Variants in CUBN observed in about 807,000 individuals in gnomAD.
CUBN encodes the protein cubilin, also known as 460 kDa receptor.
Under a neutral mutation model 405.3 loss-of-function variants are expected in CUBN, and 282 were observed. That is an observed-to-expected ratio of 0.70 (90% CI 0.63 to 0.77). The LOEUF (loss-of-function observed/expected upper bound fraction) is 0.77, where lower values mean the gene tolerates loss of function less well. Ranked by LOEUF, CUBN falls within the 30% of genes least tolerant of loss-of-function variation. CUBN has a pLI of 0.00. For missense variants in CUBN, 4,514 were observed against 4,475.2 expected (o/e 1.01, Z -0.25); for synonymous variants, 1,684 against 1,617.0 (o/e 1.04, Z -0.99).
At chr10:16,902,273 GTA>G (rs1032495050) in intron 51 of CUBN, among the ~76,000 whole-genome samples, 3 of 129,778 alleles carry the variant, frequency 2.3e-5, no homozygotes, top group African/African-American at 5.8e-5. Flanking sequence ...ATATATATTT[GTA>G]TATATATAGT....
In CUBN at chr10:16,984,224, C is replaced by T; in HGVS notation, c.4406G>A (p.Arg1469Lys). The T allele has an allele frequency of 6.2e-7, 1 of 1,614,150 alleles. No individual in the cohort carries two copies. Among genetic ancestry groups the T allele is most frequent in the Non-Finnish European group, 8.5e-7 (1 of 1,180,026 alleles). ...GACCTGCATGGGGTTCTCAGGTGATCTCTGGGTACACAGTTGGGCTATTCT... is the reference window on the plus strand; with the variant it reads ...GACCTGCATGGGGTTCTCAGGTGATTTCTGGGTACACAGTTGGGCTATTCT... ...SPRIAQLCTQ[R>K]SPENPMQVSS... Residue 1469 changes from arginine to lysine, a missense_variant, in exon 30 of 67, where the codon AGA (arginine) becomes AAA (lysine). By Grantham distance (26) the Arg-to-Lys change is conservative. This residue lies in a region of CUBN where 1,613 missense variants were observed against 1,542.8 expected (regional missense o/e 1.05). Coordinates refer to ENST00000377833, the MANE Select transcript of CUBN (RefSeq NM_001081.4).
intron 28 of CUBN, among the ~76,000 whole-genome samples, chr10:17,008,232 G>A (rs1425893012): frequency 8.3e-5 from 8 of 96,580 alleles, no homozygotes; most frequent in Admixed American, 3.2e-4. Context: ...GTCCCTGCCC[G>A]TGTGTGGTGT....
rs1027197936 is a variant in CUBN at position 16,990,856 on chromosome 10, A to G, written c.4169-341T>C. Among the ~76,000 whole-genome samples the G allele has an allele frequency of 1.2e-4, 18 of 152,320 alleles. 5 individuals carry two copies. Among genetic ancestry groups the G allele is most frequent in the Admixed American group, 2.0e-4 (3 of 15,300 alleles). ...TATAATAAGGTAAGAATTACATAAC[A>G]TAGTCGGAAGTACAATGGACCGTGT... On this transcript the variant is annotated intron_variant, in intron 28 of 66. Coordinates refer to ENST00000377833, the MANE Select transcript of CUBN (RefSeq NM_001081.4).
chr10:16,906,409 A>T lies in CUBN; in HGVS notation c.7706T>A (p.Val2569Glu). ...TASYTSSEDA[V>E]CGGSLPNTPE... ...AGTATTTGGAAGAGACCCACCACAC[A>T]CTAAGAAAACAGAAGGCAACAGAGA... Residue 2569 changes from valine to glutamate, a missense_variant and splice_region_variant, in exon 50 of 67, where the codon GTG (valine) becomes GAG (glutamate). Val to Glu is a moderately radical substitution (Grantham distance 121). Transcript: ENST00000377833. 6.2e-7 allele frequency: 1 copy of T among 1,607,782 alleles called. No homozygotes were observed. Among genetic ancestry groups the T allele is most frequent in the Non-Finnish European group, 8.5e-7 (1 of 1,174,238 alleles).
intron 59 of CUBN, among the ~76,000 whole-genome samples, chr10:16,857,009 C>A (rs1204716060): frequency 6.6e-6 from 1 of 152,188 alleles, no homozygotes; most frequent in African/African-American, 2.4e-5. Flanking sequence ...TGCAGATACA[C>A]AATTGCTCCA....
At chr10:16,856,104 C>T (rs1031077303) in intron 59 of CUBN, among the ~76,000 whole-genome samples, 22 of 152,246 alleles carry the variant, frequency 1.4e-4, no homozygotes, top group African/African-American at 4.1e-4. Context: ...TAGAGTCCCA[C>T]GCATCAGAAA....
At chr10:16,865,790 C>T (rs529390894) in intron 59 of CUBN, among the ~76,000 whole-genome samples, 7 of 152,248 alleles carry the variant, frequency 4.6e-5, no homozygotes, top group South Asian at 2.1e-4. Context: ...GCAACCTGCT[C>T]GGGTACCCTT....
chr10:17,047,336 TCC>T lies in CUBN; in HGVS notation c.3329+76_3329+77del. The T allele has an allele frequency of 4.2e-6, 5 of 1,202,172 alleles. No homozygotes were observed. The Admixed American group carries it at 6.0e-5, about 14-fold the overall frequency. 74.5% of individuals were successfully genotyped at this position (1,202,172 alleles called of 1,614,324 possible). A position where few individuals can be genotyped will look rare whatever the true frequency, so the allele number is the denominator to read the frequency against. Reference sequence around the variant, plus strand: ...TTTGCAGAGAATTTCCATATTTTTTTCCTTAATCTTCCTAGGAAAGATTATTA... The same window carrying T: ...TTTGCAGAGAATTTCCATATTTTTTTTTAATCTTCCTAGGAAAGATTATTA... On this transcript the variant is annotated intron_variant, in intron 23 of 66. Transcript: ENST00000377833.
Position 16,980,221 on chromosome 10 carries a change from G to A in CUBN, c.4695+2263C>T, listed in dbSNP as rs541596024. On this transcript the variant is annotated intron_variant, in intron 31 of 66. Transcript: ENST00000377833. ...ATGCTGGCAAGGATGTGGAGAAATA[G>A]GAACGTTTTTACTCGTTGGTGGGAG... Among the ~76,000 whole-genome samples the A allele has an allele frequency of 2.7e-3, 417 of 152,306 alleles. 1 individual carries two copies. The highest frequency in any genetic ancestry group is 4.6e-3 in the Non-Finnish European group (312 of 68,016).
chr10:17,078,923 G>A (rs1835910913), intron 17 of CUBN, among the ~76,000 whole-genome samples: 1 of 152,122 alleles, frequency 6.6e-6, no homozygotes, highest in Non-Finnish European at 1.5e-5. Flanking sequence ...CATCACGCAT[G>A]TTCAATGGGT....
At chr10:16,905,627 T>C (rs1841532581) in intron 50 of CUBN, among the ~76,000 whole-genome samples, 1 of 152,184 alleles carries the variant, frequency 6.6e-6, no homozygotes, top group African/African-American at 2.4e-5. Context: ...AAAAGTCACA[T>C]GCCGGGAAAC....
At chr10:16,904,568 G>A (rs191793165) in intron 50 of CUBN, among the ~76,000 whole-genome samples, 4 of 152,232 alleles carry the variant, frequency 2.6e-5, no homozygotes, top group East Asian at 1.9e-4. Flanking sequence ...CTCCATATTC[G>A]GCATTCAGGC....
intron 22 of CUBN, among the ~76,000 whole-genome samples, chr10:17,050,486 A>G (rs942306152): frequency 6.6e-6 from 1 of 152,192 alleles, no homozygotes; most frequent in South Asian, 2.1e-4. Flanking sequence ...AATTCTACAG[A>G]GAAGAAGAAG....
At chr10:17,057,381 G>A (rs986708155) in intron 22 of CUBN, among the ~76,000 whole-genome samples, 8 of 152,096 alleles carry the variant, frequency 5.3e-5, no homozygotes, top group African/African-American at 1.7e-4. Context: ...CTGTCATGGC[G>A]CTGTTGGGCA....
chr10:16,955,840 C>G (rs896302167), intron 31 of CUBN, among the ~76,000 whole-genome samples: 1 of 152,126 alleles, frequency 6.6e-6, no homozygotes, highest in Non-Finnish European at 1.5e-5. Flanking sequence ...TGAATCAGAC[C>G]ACTAGATTCC....
At chr10:17,023,146 C>T (rs1416116119) in intron 27 of CUBN, among the ~76,000 whole-genome samples, 2 of 151,346 alleles carry the variant, frequency 1.3e-5, no homozygotes, top group Non-Finnish European at 2.9e-5. Context: ...AAGGAGACCC[C>T]TGGATCTCAG....
intron 27 of CUBN, among the ~76,000 whole-genome samples, chr10:17,025,651 A>C (rs777037978): frequency 6.6e-6 from 1 of 152,204 alleles, no homozygotes; most frequent in Non-Finnish European, 1.5e-5. Flanking sequence ...CTATGAGAAA[A>C]GAAAGATGTT....
At chr10:17,129,377 A>T (rs1489671286) in intron 1 of CUBN, 127 bp from the exon 2 acceptor site, 1 of 1,135,706 alleles carries the variant, frequency 8.8e-7, no homozygotes, top group Non-Finnish European at 1.3e-6. Flanking sequence ...TCTCAACCCA[A>T]CTGCCCCTGC....
At chr10:17,035,028 G>A (rs572861367) in intron 27 of CUBN, among the ~76,000 whole-genome samples, 52 of 151,168 alleles carry the variant, frequency 3.4e-4, no homozygotes, top group African/African-American at 1.2e-3. Flanking sequence ...CCACTTAACC[G>A]GACTAAGGTT....
Sources: allele counts gnomAD v4.1 joint callset (sites outside exome capture counted in the v4.1 genomes callset), GRCh38; gene constraint gnomAD v4.1.1; regional missense constraint gnomAD v4.1.1; transcripts MANE v1.5; gene names NCBI Gene and HGNC (gene_info 2026-07-23, HGNC 2026-07-21).